Variants in MAPK6 observed in about 807,000 individuals in gnomAD.
MAPK6 encodes mitogen-activated protein kinase 6.
In MAPK6, 19 loss-of-function variants were observed where a neutral mutation model predicts 59.3. The ratio of observed to expected loss-of-function variants is 0.32; its 90% CI spans 0.22 to 0.47. MAPK6 has a LOEUF of 0.47. Among genes scored for constraint, MAPK6 ranks in the 20% least tolerant of loss-of-function variants. The pLI, the probability that MAPK6 is intolerant of heterozygous loss-of-function variation, is 1.00. For missense variants in MAPK6, 724 were observed against 847.9 expected (o/e 0.85, Z 1.81); for synonymous variants, 316 against 290.3 (o/e 1.09, Z -0.90).
rs376038866 is a variant in MAPK6 at position 52,050,475 on chromosome 15, A to G, written c.700+338A>G. 2.9e-4 allele frequency among the ~76,000 whole-genome samples: 44 copies of G among 152,338 alleles called. 5 individuals are homozygous for G. The highest frequency in any genetic ancestry group is 1.9e-3 in the South Asian group (9 of 4,828). On this transcript the variant is annotated intron_variant, in intron 3 of 5. Transcript: ENST00000261845. ...ATTTTAAGCCATTGTTGAAAATCCA[A>G]CAAATTTTTCTTGGTCCCCTCCCCC...
At chr15:52,017,743 T>C (rs2030316179), upstream of MAPK6, 1 of 152,260 alleles carries the variant, frequency 6.6e-6, no homozygotes, top group Non-Finnish European at 1.5e-5. Context: ...TCTCCCACCT[T>C]CTCTGGGTGA....
At chr15:52,058,590 A>G (rs1210481183) in intron 3 of MAPK6, 43 bp from the exon 4 acceptor site, 2 of 1,499,086 alleles carry the variant, frequency 1.3e-6, no homozygotes, top group South Asian at 1.3e-5. Flanking sequence ...TGAAATAAGT[A>G]AACATTGAGG....
Position 52,063,914 on chromosome 15 carries a change from T to C in MAPK6, c.1080T>C (p.Cys360=). The C allele has an allele frequency of 6.5e-7, 1 of 1,538,890 alleles. No individual in the cohort carries two copies. The highest frequency in any genetic ancestry group is 8.7e-7 in the Non-Finnish European group (1 of 1,143,778). Residue 360 remains cysteine, a synonymous_variant, in exon 6 of 6, where the codon TGT becomes TGC. Coordinates refer to ENST00000261845, the MANE Select transcript of MAPK6 (RefSeq NM_002748.4). ...HIYNWERYHD[C]QFSEHDWPVH... ...TGATTTTTTTCAGGTATCATGATTG[T>C]CAGTTTTCAGAGCATGATTGGCCTG...
upstream of MAPK6, chr15:52,018,606 C>G (rs931659207): frequency 2.0e-5 from 3 of 152,270 alleles, no homozygotes; most frequent in Non-Finnish European, 2.9e-5. Context: ...CATAGTGCAT[C>G]CCTTCCCAAA....
chr15:52,025,277 A>G (rs1036762609), intron 1 of MAPK6, among the ~76,000 whole-genome samples: 5 of 152,142 alleles, frequency 3.3e-5, no homozygotes, highest in Non-Finnish European at 7.4e-5. Context: ...AAAATGATGC[A>G]TACATGGTTG....
At chr15:51,993,976 T>C (rs974623540) in intron 2 of MAPK6, among the ~76,000 whole-genome samples, 10 of 152,076 alleles carry the variant, frequency 6.6e-5, no homozygotes, top group African/African-American at 2.4e-4. Context: ...TATACTTTTT[T>C]TGAGACAGAG....
chr15:51,988,851 G>T (rs529601062), intron 2 of MAPK6, among the ~76,000 whole-genome samples: 12 of 152,190 alleles, frequency 7.9e-5, no homozygotes, highest in African/African-American at 2.6e-4. Flanking sequence ...TGTCAGCAGG[G>T]CTGTGATCCC....
chr15:52,027,035 G>A (rs1358234022), intron 1 of MAPK6, among the ~76,000 whole-genome samples: 1 of 150,700 alleles, frequency 6.6e-6, no homozygotes, highest in Non-Finnish European at 1.5e-5. Flanking sequence ...GGGCGACAGA[G>A]CAATACTCTG....
At chr15:52,015,819 A>T (rs535091585), upstream of MAPK6, among the ~76,000 whole-genome samples, 23 of 146,134 alleles carry the variant, frequency 1.6e-4, no homozygotes, top group Middle Eastern at 3.4e-3. Context: ...GCACTTTGGG[A>T]GGCTGAGGTG....
At chr15:52,061,606 A>T in intron 5 of MAPK6, 106 bp downstream of exon 5, 1 of 866,096 alleles carries the variant, frequency 1.2e-6, no homozygotes, top group Non-Finnish European at 1.7e-6. Context: ...AAGTCTTAAA[A>T]ATTTAGTAAT....
chr15:52,004,332 G>A (rs560777140), exon 3 of MAPK6: 8 of 152,254 alleles, frequency 5.3e-5, no homozygotes, highest in East Asian at 3.9e-4. Context: ...GCTTCTAAAA[G>A]TGGAAGGGAT....
rs2032345518 is a variant in MAPK6 at position 52,064,747 on chromosome 15, A to G, written c.1913A>G (p.Asp638Gly). Residue 638 changes from aspartate to glycine, a missense_variant, in exon 6 of 6, where the codon GAT becomes GGT. Asp to Gly is a moderately conservative substitution (Grantham distance 94). Transcript: ENST00000261845. ...YLDKFFSRKEDTEMLETEPVE... is the reference protein window; with the variant it reads ...YLDKFFSRKEGTEMLETEPVE... Reference sequence around the variant, plus strand: ...GACAAGTTCTTTAGCAGGAAAGAAGATACTGAAATGCTAGAAACTGAGCCA... The same window carrying G: ...GACAAGTTCTTTAGCAGGAAAGAAGGTACTGAAATGCTAGAAACTGAGCCA... The G allele has an allele frequency of 6.2e-7, 1 of 1,611,856 alleles. No homozygotes were observed. The highest frequency in any genetic ancestry group is 8.5e-7 in the Non-Finnish European group (1 of 1,179,718).
chr15:52,002,306 G>A (rs371747491), intron 2 of MAPK6, among the ~76,000 whole-genome samples: 12 of 152,122 alleles, frequency 7.9e-5, no homozygotes, highest in South Asian at 4.1e-4. Flanking sequence ...GTACCTGGCC[G>A]CCACCTTCTG....
At chr15:52,004,728 G>A (rs578198400) in intron 3 of MAPK6, among the ~76,000 whole-genome samples, 1 of 152,266 alleles carries the variant, frequency 6.6e-6, no homozygotes, top group South Asian at 2.1e-4. Context: ...TGAACTTGAA[G>A]CTTCCAGCTT....
intron 1 of MAPK6, chr15:52,042,926 C>A (rs2031471826): frequency 2.0e-5 from 3 of 152,098 alleles, no homozygotes; most frequent in Non-Finnish European, 4.4e-5. Context: ...GTTTTCTTGA[C>A]CAGCCTGGGA....
At chr15:52,027,197 C>T (rs962576914) in intron 1 of MAPK6, among the ~76,000 whole-genome samples, 3 of 150,708 alleles carry the variant, frequency 2.0e-5, no homozygotes, top group African/African-American at 7.3e-5. Flanking sequence ...ACTAAAAATA[C>T]GAAAAAACTG....
intron 3 of MAPK6, among the ~76,000 whole-genome samples, chr15:52,006,308 C>T (rs944888514): frequency 4.6e-5 from 7 of 151,876 alleles, no homozygotes; most frequent in African/African-American, 1.7e-4. Context: ...CCCTGGAAAC[C>T]GTAAAAAAGA....
At chr15:51,990,485 A>G (rs2057204656) in intron 2 of MAPK6, among the ~76,000 whole-genome samples, 1 of 152,248 alleles carries the variant, frequency 6.6e-6, no homozygotes. Flanking sequence ...TCATAACTTT[A>G]AAAGTTAGAA....
chr15:52,045,542 T>G (rs1296135242), intron 1 of MAPK6, among the ~76,000 whole-genome samples: 6 of 152,202 alleles, frequency 3.9e-5, no homozygotes, highest in Non-Finnish European at 7.3e-5. Context: ...AAAAATATTA[T>G]GAACCTTCCC....
Sources: allele counts gnomAD v4.1 joint callset (sites outside exome capture counted in the v4.1 genomes callset), GRCh38; gene constraint gnomAD v4.1.1; transcripts MANE v1.5; gene names NCBI Gene and HGNC (gene_info 2026-07-23, HGNC 2026-07-21).